Variants in SYT1 observed in about 807,000 individuals in gnomAD.
SYT1 encodes the protein synaptotagmin 1.
Under a neutral mutation model 44.8 loss-of-function variants are expected in SYT1, and 8 were observed. The observed-to-expected ratio is 0.18, with a 90% CI of 0.10 to 0.32. The LOEUF (loss-of-function observed/expected upper bound fraction) is 0.32. Among genes scored for constraint, SYT1 ranks in the 10% least tolerant of loss-of-function variants. The probability of loss-of-function intolerance (pLI) is 1.00; values close to 1 mark genes in which losing one functional copy is unlikely to be tolerated. For synonymous variants in SYT1, 154 were observed against 188.8 expected, an observed-to-expected ratio of 0.82 and a Z score of 1.51; for missense variants, 286 against 509.3, an observed-to-expected ratio of 0.56 and a Z score of 4.22.
intron 1 of SYT1, among the ~76,000 whole-genome samples, chr12:78,903,205 G>C (rs1189622830): frequency 6.6e-6 from 1 of 151,302 alleles, no homozygotes; most frequent in Non-Finnish European, 1.5e-5. Flanking sequence ...ATCTTAAAAA[G>C]AGTTTTGTGT....
rs549683173 is a variant in SYT1 at position 78,875,918 on chromosome 12, T to C, written c.-217+10809T>C. 4.6e-5 allele frequency among the ~76,000 whole-genome samples: 7 copies of C among 151,856 alleles called. 1 individual carries two copies. The East Asian group carries it at 1.4e-3, about 29-fold the overall frequency. ...ACACTTTCTACATATCTTCCGTTTC[T>C]TAAATCTTAATAATTCTTTCCCTTT... On this transcript the variant is annotated intron_variant, in intron 1 of 10. Transcript: ENST00000261205.
intron 9 of SYT1, among the ~76,000 whole-genome samples, chr12:79,431,513 A>ATTAT (rs35004307): frequency 0.23 from 32,950 of 141,870 alleles, 5,912 homozygotes; most frequent in African/African-American, 0.51. Context: ...ATTTTATTTT[A>ATTAT]TTATTTATTT....
intron 3 of SYT1, among the ~76,000 whole-genome samples, chr12:79,096,550 A>G (rs1878143572): frequency 6.6e-6 from 1 of 151,980 alleles, no homozygotes; most frequent in Admixed American, 6.6e-5. Flanking sequence ...GGAATATTAC[A>G]CTGCAGAGAT....
chr12:78,992,641 T>C (rs570361523), intron 2 of SYT1, among the ~76,000 whole-genome samples: 27 of 152,232 alleles, frequency 1.8e-4, no homozygotes, highest in Admixed American at 1.6e-3. Flanking sequence ...AATTGGACCA[T>C]CTAGTACAAC....
chr12:79,314,396 A>T (rs955283240), intron 8 of SYT1, among the ~76,000 whole-genome samples: 1 of 152,106 alleles, frequency 6.6e-6, no homozygotes, highest in African/African-American at 2.4e-5. Flanking sequence ...AGTCTGTGGG[A>T]TGTGAAAAGA....
At chr12:78,908,506 C>T (rs1379422054) in intron 1 of SYT1, among the ~76,000 whole-genome samples, 3 of 151,654 alleles carry the variant, frequency 2.0e-5, no homozygotes, top group Non-Finnish European at 4.4e-5. Context: ...CATATCTCAA[C>T]AATATAAAAC....
At chr12:79,406,600 A>T (rs1375892131) in intron 9 of SYT1, among the ~76,000 whole-genome samples, 1 of 152,130 alleles carries the variant, frequency 6.6e-6, no homozygotes, top group Non-Finnish European at 1.5e-5. Context: ...AACACTGAGC[A>T]CCTAAGTGTC....
At chr12:79,432,369 CA>C (rs1555225362) in intron 9 of SYT1, among the ~76,000 whole-genome samples, 2 of 152,022 alleles carry the variant, frequency 1.3e-5, no homozygotes, top group Non-Finnish European at 2.9e-5. Context: ...CCCTGCCCCC[CA>C]ACCCCACAAG....
At chr12:78,961,095 G>C (rs959077633) in intron 1 of SYT1, among the ~76,000 whole-genome samples, 27 of 151,920 alleles carry the variant, frequency 1.8e-4, no homozygotes, top group African/African-American at 6.5e-4. Context: ...GCTACTTCAA[G>C]CTTTATTTTT....
intron 4 of SYT1, among the ~76,000 whole-genome samples, chr12:79,225,794 C>T (rs575789039): frequency 2.0e-5 from 3 of 152,292 alleles, no homozygotes; most frequent in South Asian, 4.2e-4. Flanking sequence ...TACCCATTTC[C>T]TTTTGGTCTT....
chr12:79,432,535 C>G (rs1199448593), intron 9 of SYT1, among the ~76,000 whole-genome samples: 1 of 152,080 alleles, frequency 6.6e-6, no homozygotes, highest in Non-Finnish European at 1.5e-5. Flanking sequence ...CATCCTCTTC[C>G]AAGTCCATAG....
intron 2 of SYT1, among the ~76,000 whole-genome samples, chr12:79,020,095 C>T (rs1872086976): frequency 6.6e-6 from 1 of 151,864 alleles, no homozygotes; most frequent in Non-Finnish European, 1.5e-5. Context: ...TGTCTTTTTC[C>T]CTGATCTCTG....
intron 3 of SYT1, among the ~76,000 whole-genome samples, chr12:79,160,020 A>G (rs1170463242): frequency 6.6e-6 from 1 of 152,192 alleles, no homozygotes; most frequent in Non-Finnish European, 1.5e-5. Flanking sequence ...TGAGTATTAC[A>G]TGGAAATATA....
At chr12:79,256,297 T>C (rs750739277) in intron 4 of SYT1, among the ~76,000 whole-genome samples, 1 of 152,238 alleles carries the variant, frequency 6.6e-6, no homozygotes, top group Non-Finnish European at 1.5e-5. Flanking sequence ...TAATTGCCTC[T>C]GAATATTGCA....
At chr12:79,168,951 C>T (rs61927318) in intron 3 of SYT1, among the ~76,000 whole-genome samples, 12,248 of 151,990 alleles carry the variant, frequency 0.081, 652 homozygotes, top group African/African-American at 0.15. Flanking sequence ...GCATCTGGAA[C>T]ACTTGAGCAG....
chr12:79,373,870 C>T (rs1188687430), intron 9 of SYT1, among the ~76,000 whole-genome samples: 1 of 152,156 alleles, frequency 6.6e-6, no homozygotes, highest in African/African-American at 2.4e-5. Context: ...TCTCATTTCT[C>T]ACTCGTGTTT....
chr12:78,976,701 T>C (rs1868861958), intron 1 of SYT1: 1 of 152,206 alleles, frequency 6.6e-6, no homozygotes, highest in Non-Finnish European at 1.5e-5. Context: ...GTGATTTGTA[T>C]TGGAGTCACT....
At chr12:79,243,247 A>G (rs1172767029) in intron 4 of SYT1, among the ~76,000 whole-genome samples, 1 of 152,178 alleles carries the variant, frequency 6.6e-6, no homozygotes, top group African/African-American at 2.4e-5. Flanking sequence ...ATAGTCTCCA[A>G]AATGTTCCCA....
chr12:79,253,521 C>G (rs1877348659), intron 4 of SYT1, among the ~76,000 whole-genome samples: 1 of 138,612 alleles, frequency 7.2e-6, no homozygotes, highest in Non-Finnish European at 1.6e-5. Context: ...CTCTCTCTCT[C>G]TCTCACCTCA....
Sources: allele counts gnomAD v4.1 joint callset (sites outside exome capture counted in the v4.1 genomes callset), GRCh38; gene constraint gnomAD v4.1.1; transcripts MANE v1.5; gene names NCBI Gene and HGNC (gene_info 2026-07-23, HGNC 2026-07-21).